The following ITGBL1 variants were observed in gnomAD, a reference collection of about 807,000 sequenced individuals.
ITGBL1 encodes integrin beta-like protein 1.
In ITGBL1, 51 loss-of-function variants were observed where a neutral mutation model predicts 68.5. That is an observed-to-expected ratio of 0.74 (90% CI 0.59 to 0.94). The LOEUF (loss-of-function observed/expected upper bound fraction) is 0.94. Ranked by LOEUF, ITGBL1 falls within the 40% of genes least tolerant of loss-of-function variation. The pLI is 0.00. For synonymous variants in ITGBL1, 209 were observed against 227.3 expected, an observed-to-expected ratio of 0.92 and a Z score of 0.72; for missense variants, 649 against 647.4, an observed-to-expected ratio of 1.00 and a Z score of -0.03.
At chr13:101,705,539 C>T (rs1000755679) in intron 8 of ITGBL1, among the ~76,000 whole-genome samples, 1 of 151,952 alleles carries the variant, frequency 6.6e-6, no homozygotes, top group African/African-American at 2.4e-5. Context: ...TCAATTCTCA[C>T]AGCCATCTAT....
At chr13:101,510,508 A>ATT (rs1433000476) in intron 2 of ITGBL1, among the ~76,000 whole-genome samples, 13 of 152,192 alleles carry the variant, frequency 8.5e-5, no homozygotes, top group African/African-American at 2.9e-4. Context: ...CTTTGGATAT[A>ATT]TACCTAGTAA....
chr13:101,671,359 A>G (rs1016568896), intron 7 of ITGBL1, among the ~76,000 whole-genome samples: 1 of 151,642 alleles, frequency 6.6e-6, no homozygotes, highest in South Asian at 2.1e-4. Flanking sequence ...TTTCAGTTGC[A>G]GATTTAAGGA....
intron 2 of ITGBL1, among the ~76,000 whole-genome samples, chr13:101,540,402 A>G (rs1439050784): frequency 1.3e-5 from 2 of 152,000 alleles, no homozygotes; most frequent in Admixed American, 1.3e-4. Context: ...GTTCTGTTCC[A>G]TTGGTCTATA....
chr13:101,459,588 C>T (rs1378012058), intron 2 of ITGBL1, among the ~76,000 whole-genome samples: 1 of 151,774 alleles, frequency 6.6e-6, no homozygotes, highest in Non-Finnish European at 1.5e-5. Context: ...ACAAAAGATA[C>T]AAAAATTAGC....
intron 2 of ITGBL1, among the ~76,000 whole-genome samples, chr13:101,552,256 T>C (rs532892485): frequency 6.6e-6 from 1 of 152,250 alleles, no homozygotes; most frequent in South Asian, 2.1e-4. Flanking sequence ...AGAGAGAGAG[T>C]ATCATATCCT....
chr13:101,522,741 C>G (rs556891732), intron 2 of ITGBL1, among the ~76,000 whole-genome samples: 32 of 152,228 alleles, frequency 2.1e-4, no homozygotes, highest in Admixed American at 7.2e-4. Flanking sequence ...AGTCAGGGCT[C>G]TTTGTTATTT....
intron 8 of ITGBL1, among the ~76,000 whole-genome samples, chr13:101,699,439 G>A (rs1480751404): frequency 6.6e-6 from 1 of 152,162 alleles, no homozygotes; most frequent in Non-Finnish European, 1.5e-5. Flanking sequence ...AGTGTCGTGG[G>A]AGGGACCAAG....
At chr13:101,671,531 C>T (rs538287329) in intron 7 of ITGBL1, among the ~76,000 whole-genome samples, 68 of 147,470 alleles carry the variant, frequency 4.6e-4, no homozygotes, top group East Asian at 2.7e-3. Flanking sequence ...CTCCGCCTCC[C>T]GGGTTCACGC....
At chr13:101,578,855 C>T (rs974793103) in intron 4 of ITGBL1, among the ~76,000 whole-genome samples, 1 of 152,170 alleles carries the variant, frequency 6.6e-6, no homozygotes, top group African/African-American at 2.4e-5. Context: ...TTTGGTCATT[C>T]ATAATGTCTA....
intron 2 of ITGBL1, among the ~76,000 whole-genome samples, chr13:101,546,478 A>C (rs2049825960): frequency 6.6e-6 from 1 of 152,172 alleles, no homozygotes; most frequent in South Asian, 2.1e-4. Flanking sequence ...AACCTAAAAA[A>C]GTAAAGAAAG....
chr13:101,707,413 T>G (rs1434703405), intron 9 of ITGBL1, among the ~76,000 whole-genome samples: 1 of 152,148 alleles, frequency 6.6e-6, no homozygotes, highest in Non-Finnish European at 1.5e-5. Flanking sequence ...ATATTTAATT[T>G]AGTTTAATTT....
intron 2 of ITGBL1, among the ~76,000 whole-genome samples, chr13:101,501,967 A>G (rs1027309029): frequency 3.3e-5 from 5 of 152,154 alleles, no homozygotes; most frequent in African/African-American, 1.2e-4. Context: ...CCTTTTCCCC[A>G]GAGGCTTCCC....
At chr13:101,512,638 G>T (rs1248388240) in intron 2 of ITGBL1, among the ~76,000 whole-genome samples, 8 of 152,048 alleles carry the variant, frequency 5.3e-5, no homozygotes, top group Admixed American at 4.6e-4. Flanking sequence ...CCCATGGGGT[G>T]GTTGACCTTT....
intron 8 of ITGBL1, among the ~76,000 whole-genome samples, chr13:101,702,099 T>G (rs2034149636): frequency 6.6e-6 from 1 of 152,208 alleles, no homozygotes; most frequent in Non-Finnish European, 1.5e-5. Context: ...AGATTGTGTC[T>G]TCACGGAATT....
intron 6 of ITGBL1, among the ~76,000 whole-genome samples, chr13:101,592,047 C>T (rs2050664419): frequency 6.6e-6 from 1 of 152,070 alleles, no homozygotes; most frequent in Non-Finnish European, 1.5e-5. Flanking sequence ...AACTGAAACT[C>T]AGATGTGGTC....
intron 2 of ITGBL1, chr13:101,490,065 C>CA: frequency 1.0e-6 from 1 of 990,826 alleles, no homozygotes; most frequent in Non-Finnish European, 1.5e-6. Context: ...TGTTTACCCC[C>CA]AAAATTCTGT....
intron 2 of ITGBL1, among the ~76,000 whole-genome samples, chr13:101,534,931 G>T (rs992137807): frequency 1.3e-5 from 2 of 152,066 alleles, no homozygotes; most frequent in Non-Finnish European, 2.9e-5. Flanking sequence ...AGATGTTCTG[G>T]TGGTGCTACA....
intron 6 of ITGBL1, among the ~76,000 whole-genome samples, chr13:101,596,112 A>G (rs556615879): frequency 7.9e-5 from 12 of 152,272 alleles, no homozygotes; most frequent in African/African-American, 2.6e-4. Flanking sequence ...TCGTCCTTTA[A>G]GAAGGAAATC....
intron 2 of ITGBL1, among the ~76,000 whole-genome samples, chr13:101,512,803 T>A (rs1439237340): frequency 1.3e-5 from 2 of 152,194 alleles, no homozygotes; most frequent in African/African-American, 4.8e-5. Flanking sequence ...AGGTCCTGCA[T>A]CTGTGCCTCA....
Sources: gnomAD v4.1 joint callset for allele counts (sites outside exome capture counted in the v4.1 genomes callset) on GRCh38, gnomAD v4.1.1 for gene constraint, MANE v1.5 for transcripts, NCBI Gene and HGNC (gene_info 2026-07-23, HGNC 2026-07-21) for gene names.